Variants in TSNARE1 observed in about 807,000 individuals in gnomAD.
TSNARE1 encodes the protein t-SNARE domain containing 1, also known as t-SNARE domain-containing protein 1.
TSNARE1 carries 49 observed loss-of-function variants against 62.0 expected under a neutral mutation model. The ratio of observed to expected loss-of-function variants is 0.79; its 90% CI spans 0.63 to 1.00. TSNARE1 has a LOEUF of 1.00. TSNARE1 is among the 50% of genes least tolerant of loss of function. The probability of loss-of-function intolerance (pLI) is 0.00; values close to 1 mark genes in which losing one functional copy is unlikely to be tolerated. For synonymous variants in TSNARE1, 328 were observed against 294.4 expected, an observed-to-expected ratio of 1.11 and a Z score of -1.17; for missense variants, 755 against 700.1, an observed-to-expected ratio of 1.08 and a Z score of -0.88.
At chr8:142,247,282 G>T (rs573620994) in intron 12 of TSNARE1, among the ~76,000 whole-genome samples, 1 of 152,216 alleles carries the variant, frequency 6.6e-6, no homozygotes, top group South Asian at 2.1e-4. Flanking sequence ...ACTGCCCGAG[G>T]CTCGGGGTCC....
At chr8:142,365,473 T>C (rs962050814) in intron 1 of TSNARE1, among the ~76,000 whole-genome samples, 4 of 152,254 alleles carry the variant, frequency 2.6e-5, no homozygotes, top group Non-Finnish European at 5.9e-5. Flanking sequence ...ATTGTATCCA[T>C]GTCAATGTCC....
intron 11 of TSNARE1, among the ~76,000 whole-genome samples, chr8:142,282,239 T>TG (rs781630954): frequency 0.011 from 1,605 of 152,296 alleles, 18 homozygotes; most frequent in Non-Finnish European, 0.016. Flanking sequence ...GGTACATCCA[T>TG]AGCAGAACCA....
At chr8:142,334,675 T>C (rs1048538362) in intron 4 of TSNARE1, among the ~76,000 whole-genome samples, 2 of 152,080 alleles carry the variant, frequency 1.3e-5, no homozygotes, top group South Asian at 2.1e-4. Flanking sequence ...AAAACAGTGA[T>C]AAAGAAACCT....
intron 13 of TSNARE1, among the ~76,000 whole-genome samples, chr8:142,219,979 G>T (rs1309643505): frequency 6.6e-6 from 1 of 152,186 alleles, no homozygotes; most frequent in Non-Finnish European, 1.5e-5. Flanking sequence ...GGGGTCAGGG[G>T]TCCACTGGGG....
At chr8:142,295,973 G>A (rs1733441757) in intron 10 of TSNARE1, among the ~76,000 whole-genome samples, 1 of 140,236 alleles carries the variant, frequency 7.1e-6, no homozygotes, top group African/African-American at 2.7e-5. Context: ...CTATCATCAG[G>A]GATGGGCCGG....
At chr8:142,374,679 C>CAAA (rs1219756682) in intron 1 of TSNARE1, among the ~76,000 whole-genome samples, 2 of 59,374 alleles carry the variant, frequency 3.4e-5, no homozygotes, top group African/African-American at 6.2e-5. Context: ...GACGCTGTCT[C>CAAA]AAAAAAAAAA....
chr8:142,280,417 G>C, intron 11 of TSNARE1: 1 of 794,938 alleles, frequency 1.3e-6, no homozygotes, highest in South Asian at 5.7e-5. Context: ...CTGCATCTGT[G>C]CACAGCGGCC....
In TSNARE1 at chr8:142,319,099, G is replaced by A. The variant is rs1829074214; in HGVS notation, c.894-465C>T. ...AGCTCTGGCTGGGGTGGGTGGCCCA[G>A]CCAGAACAGTGGCAGCCGGGCCCCA... On this transcript the variant is annotated intron_variant, in intron 6 of 13. Transcript: ENST00000524325. This position sits in a 1 kb window ranked among gnomAD's most constrained non-coding sequence, Gnocchi z 4.9. Among the ~76,000 whole-genome samples, 1 of 152,046 alleles carries A rather than the reference G, an allele frequency of 6.6e-6. No homozygotes were observed. Among genetic ancestry groups the A allele is most frequent in the Non-Finnish European group, 1.5e-5 (1 of 67,986 alleles).
At chr8:142,237,549 C>T (rs1036102373) in intron 12 of TSNARE1, among the ~76,000 whole-genome samples, 2 of 152,232 alleles carry the variant, frequency 1.3e-5, no homozygotes, top group Admixed American at 6.5e-5. Context: ...CCTGAGCCTC[C>T]GTTTCCTTAT....
At chr8:142,357,966 G>T (rs7817652) in intron 1 of TSNARE1, among the ~76,000 whole-genome samples, 31,007 of 129,588 alleles carry the variant, frequency 0.24, 4,755 homozygotes, top group African/African-American at 0.48. Flanking sequence ...GGGTCTGCTG[G>T]GTTTCAGGAC....
At chr8:142,331,102 A>C in intron 5 of TSNARE1, 132 bp from the exon 6 acceptor site, 1 of 744,830 alleles carries the variant, frequency 1.3e-6, no homozygotes, top group Non-Finnish European at 2.2e-6. Context: ...GCCAGGGCAG[A>C]CCACCTAAGT....
chr8:142,305,348 G>A lies in TSNARE1; in HGVS notation c.1132-4704C>T, dbSNP rs150412407. 5.0e-3 allele frequency among the ~76,000 whole-genome samples: 760 copies of A among 152,238 alleles called. 4 individuals carry two copies. Among genetic ancestry groups the A allele is most frequent in the African/African-American group, 0.017 (726 of 41,554 alleles). ...CTCAGGAGGATAGGGGAGGGCGCAGGGGTGGGAGGGGGGTGCAAACGGGGT... is the reference window on the plus strand; with the variant it reads ...CTCAGGAGGATAGGGGAGGGCGCAGAGGTGGGAGGGGGGTGCAAACGGGGT... On this transcript the variant is annotated intron_variant, in intron 9 of 13. Transcript: ENST00000524325.
intron 4 of TSNARE1, among the ~76,000 whole-genome samples, chr8:142,343,254 C>A (rs1304923707): frequency 2.0e-5 from 3 of 152,200 alleles, no homozygotes; most frequent in Non-Finnish European, 4.4e-5. Flanking sequence ...AAGGCCTCTT[C>A]TGGGTGTTAA....
At chr8:142,265,107 TTAAC>T (rs1391984655) in intron 12 of TSNARE1, among the ~76,000 whole-genome samples, 4 of 133,362 alleles carry the variant, frequency 3.0e-5, no homozygotes, top group Non-Finnish European at 5.1e-5. Context: ...CAGTTTCTTA[TTAAC>T]TTTCTACTCA....
intron 7 of TSNARE1, among the ~76,000 whole-genome samples, chr8:142,316,121 G>T (rs1343168264): frequency 6.8e-6 from 1 of 147,050 alleles, no homozygotes; most frequent in East Asian, 2.2e-4. Flanking sequence ...GAGGGACCCA[G>T]CGTGTATTCT....
At position 142,304,421 on chromosome 8, in the gene TSNARE1, G is replaced by A. The variant is rs532883788; in HGVS notation, c.1132-3777C>T. ...TCTCTGGGCCTCACTGTCCTCATCTGTAGAATGGGAGCAGCGGCACTCACA... is the reference window on the plus strand; with the variant it reads ...TCTCTGGGCCTCACTGTCCTCATCTATAGAATGGGAGCAGCGGCACTCACA... On this transcript the variant is annotated intron_variant, in intron 9 of 13. Coordinates refer to ENST00000524325, the MANE Select transcript of TSNARE1 (RefSeq NM_145003.5). Among the ~76,000 whole-genome samples, 7 of 152,360 alleles carry A rather than the reference G, an allele frequency of 4.6e-5. No homozygotes were observed. The South Asian group carries it at 8.3e-4, about 18-fold the overall frequency.
chr8:142,272,730 G>C, intron 12 of TSNARE1: 1 of 969,052 alleles, frequency 1.0e-6, no homozygotes, highest in African/African-American at 1.9e-5. Flanking sequence ...ACCGTGGGGA[G>C]GGCCCCTTGC....
intron 9 of TSNARE1, among the ~76,000 whole-genome samples, chr8:142,302,540 C>T (rs1463208129): frequency 6.6e-6 from 1 of 152,144 alleles, no homozygotes; most frequent in Non-Finnish European, 1.5e-5. Context: ...CAGCCACAGG[C>T]CCCCTCCCTT....
intron 1 of TSNARE1, among the ~76,000 whole-genome samples, chr8:142,377,212 CA>C (rs1836406155): frequency 1.3e-5 from 2 of 152,212 alleles, no homozygotes; most frequent in African/African-American, 4.8e-5. Flanking sequence ...ATCAATTACC[CA>C]AGATCTATCC....
Sources: gnomAD v4.1 joint callset for allele counts (sites outside exome capture counted in the v4.1 genomes callset) on GRCh38, gnomAD v4.1.1 for gene constraint, Gnocchi (gnomAD v3.1) non-coding constraint, MANE v1.5 for transcripts, NCBI Gene and HGNC (gene_info 2026-07-23, HGNC 2026-07-21) for gene names.